The following TBC1D22A variants were observed in gnomAD, a reference collection of about 807,000 sequenced individuals.
TBC1D22A encodes TBC1 domain family member 22A, also known as putative GTPase activator.
TBC1D22A carries 38 observed loss-of-function variants against 60.2 expected under a neutral mutation model. The observed-to-expected ratio is 0.63, with a 90% confidence interval of 0.49 to 0.83. The LOEUF (loss-of-function observed/expected upper bound fraction) is 0.83, where lower values mean the gene tolerates loss of function less well. TBC1D22A is among the 40% of genes least tolerant of loss of function. The pLI is 0.00. For missense variants in TBC1D22A, 628 were observed against 701.0 expected (o/e 0.90, Z 1.18); for synonymous variants, 302 against 281.7 (o/e 1.07, Z -0.72).
intron 11 of TBC1D22A, among the ~76,000 whole-genome samples, chr22:47,069,323 C>T (rs2063879715): frequency 6.6e-6 from 1 of 152,206 alleles, no homozygotes; most frequent in South Asian, 2.1e-4. Context: ...AACCCAACTT[C>T]GTTTTAGTGT....
intron 4 of TBC1D22A, among the ~76,000 whole-genome samples, chr22:46,803,730 C>T (rs538474258): frequency 2.0e-5 from 3 of 152,160 alleles, no homozygotes; most frequent in Admixed American, 6.5e-5. Flanking sequence ...CTTGCCCTGG[C>T]GTCTCATCAG....
chr22:46,814,030 C>G (rs1395972754), intron 4 of TBC1D22A, among the ~76,000 whole-genome samples: 1 of 152,216 alleles, frequency 6.6e-6, no homozygotes, highest in African/African-American at 2.4e-5. Flanking sequence ...TTTCCGCAGC[C>G]CTTGCATAGT....
chr22:46,806,616 A>G (rs2085152635), intron 4 of TBC1D22A, among the ~76,000 whole-genome samples: 1 of 152,028 alleles, frequency 6.6e-6, no homozygotes. Context: ...AGACCATTAG[A>G]ACTGACATGT....
At chr22:47,002,056 C>A (rs1162898525) in intron 10 of TBC1D22A, among the ~76,000 whole-genome samples, 1 of 152,198 alleles carries the variant, frequency 6.6e-6, no homozygotes, top group African/African-American at 2.4e-5. Context: ...CTGTTCCCTA[C>A]TTAGCAAAGG....
intron 12 of TBC1D22A, among the ~76,000 whole-genome samples, chr22:47,121,912 G>A (rs141738398): frequency 1.5e-3 from 231 of 151,792 alleles, no homozygotes; most frequent in African/African-American, 5.1e-3. Context: ...CCCGCCCCTC[G>A]GGTGTCCTGC....
chr22:47,018,800 G>C (rs1238217572), intron 10 of TBC1D22A, among the ~76,000 whole-genome samples: 2 of 152,188 alleles, frequency 1.3e-5, no homozygotes, highest in African/African-American at 4.8e-5. Flanking sequence ...AGGCGACTGG[G>C]ATCCTGGGTG....
intron 8 of TBC1D22A, among the ~76,000 whole-genome samples, chr22:46,972,592 A>C (rs759735381): frequency 5.9e-5 from 9 of 151,958 alleles, no homozygotes; most frequent in Non-Finnish European, 8.8e-5. Flanking sequence ...AGAATAGGCA[A>C]CTCCATAGAG....
intron 8 of TBC1D22A, among the ~76,000 whole-genome samples, chr22:46,972,988 C>T (rs1414233252): frequency 2.0e-5 from 3 of 152,212 alleles, no homozygotes; most frequent in African/African-American, 4.8e-5. Context: ...GCTGCTCACT[C>T]CTGCTGGAGG....
chr22:47,117,003 G>C (rs1228432173), intron 12 of TBC1D22A: 3 of 153,266 alleles, frequency 2.0e-5, no homozygotes, highest in African/African-American at 7.2e-5. Flanking sequence ...GGGTCGGCAG[G>C]TGGGCAGGGA....
In TBC1D22A at chr22:46,814,806, G is replaced by A. The variant is rs988274056; in HGVS notation, c.637+17186G>A. Among the ~76,000 whole-genome samples, 5 of 150,504 alleles carry A rather than the reference G, an allele frequency of 3.3e-5. No individual in the cohort carries two copies. The East Asian group carries it at 9.7e-4, about 29-fold the overall frequency. On this transcript the variant is annotated intron_variant, in intron 4 of 12. Transcript: ENST00000337137. The stretch of plus-strand genomic sequence containing the variant: ...GGTTACAGGCCGCTGCCACCACACT[G>A]GCTATTTTTTTTTTTTTTTGTATTT...
chr22:46,839,263 T>C (rs1422110425), intron 4 of TBC1D22A, among the ~76,000 whole-genome samples: 1 of 72,228 alleles, frequency 1.4e-5, no homozygotes, highest in African/African-American at 4.4e-5. Context: ...GAATGAAATA[T>C]GATACTTTGG....
At chr22:47,052,503 G>C (rs1413408547) in intron 11 of TBC1D22A, among the ~76,000 whole-genome samples, 1 of 152,194 alleles carries the variant, frequency 6.6e-6, no homozygotes, top group Non-Finnish European at 1.5e-5. Flanking sequence ...TGTGTACAGA[G>C]AGAGGACCCT....
At chr22:47,089,521 C>T (rs1280034721) in intron 11 of TBC1D22A, among the ~76,000 whole-genome samples, 2 of 152,212 alleles carry the variant, frequency 1.3e-5, no homozygotes, top group Admixed American at 1.3e-4. Flanking sequence ...ACAGTCCATG[C>T]ACACAGACAT....
intron 4 of TBC1D22A, among the ~76,000 whole-genome samples, chr22:46,852,289 T>A (rs1334484751): frequency 6.6e-6 from 1 of 152,188 alleles, no homozygotes; most frequent in Non-Finnish European, 1.5e-5. Context: ...CCTCCCGGCT[T>A]CCCGGCCCGC....
intron 12 of TBC1D22A, among the ~76,000 whole-genome samples, chr22:47,168,947 C>T (rs1467014035): frequency 2.0e-5 from 3 of 152,216 alleles, no homozygotes; most frequent in South Asian, 2.1e-4. Context: ...GGAGCCTCAG[C>T]ATTGGGAGCC....
intron 4 of TBC1D22A, among the ~76,000 whole-genome samples, chr22:46,819,398 A>T (rs989882868): frequency 2.0e-5 from 3 of 152,172 alleles, no homozygotes; most frequent in African/African-American, 7.2e-5. Flanking sequence ...TTATTTTGAG[A>T]TATGTTCCAT....
intron 12 of TBC1D22A, among the ~76,000 whole-genome samples, chr22:47,124,430 G>A (rs972776702): frequency 6.6e-5 from 10 of 152,192 alleles, no homozygotes; most frequent in Admixed American, 1.3e-4. Context: ...CCAGGCCCTC[G>A]AGCCAGCCTA....
At chr22:47,091,784 C>G (rs548560465) in intron 11 of TBC1D22A, among the ~76,000 whole-genome samples, 2 of 152,234 alleles carry the variant, frequency 1.3e-5, no homozygotes, top group East Asian at 3.9e-4. Context: ...GGAAACTGAG[C>G]TTCATTTGCA....
intron 8 of TBC1D22A, chr22:46,915,944 AC>A (rs2070339330): frequency 1.8e-5 from 8 of 442,924 alleles, no homozygotes; most frequent in Admixed American, 1.7e-4. Flanking sequence ...TCTCAGTGTT[AC>A]GTTCTTTGAC....
Sources: allele counts gnomAD v4.1 joint callset (sites outside exome capture counted in the v4.1 genomes callset), GRCh38; gene constraint gnomAD v4.1.1; transcripts MANE v1.5; gene names NCBI Gene and HGNC (gene_info 2026-07-23, HGNC 2026-07-21).